The following GALNT18 variants were observed in gnomAD, a reference collection of about 807,000 sequenced individuals.
The protein encoded by GALNT18 is polypeptide N-acetylgalactosaminyltransferase 18.
Under a neutral mutation model 69.5 loss-of-function variants are expected in GALNT18, and 44 were observed. The ratio of observed to expected loss-of-function variants is 0.63; its 90% CI spans 0.50 to 0.81. The LOEUF is 0.81. Among genes scored for constraint, GALNT18 ranks in the 40% least tolerant of loss-of-function variants. GALNT18 has a pLI of 0.00. For missense variants in GALNT18, 715 were observed against 810.0 expected, an observed-to-expected ratio of 0.88 and a Z score of 1.42; for synonymous variants, 364 against 318.2, an observed-to-expected ratio of 1.14 and a Z score of -1.53.
At chr11:11,352,643 G>C (rs766796183) in intron 6 of GALNT18, 9 of 1,613,992 alleles carry the variant, frequency 5.6e-6, no homozygotes, top group Non-Finnish European at 6.8e-6. Flanking sequence ...TGACATTATG[G>C]GGCTTGACAT....
At chr11:11,367,277 G>A (rs1850794321) in intron 6 of GALNT18, among the ~76,000 whole-genome samples, 1 of 152,186 alleles carries the variant, frequency 6.6e-6, no homozygotes, top group South Asian at 2.1e-4. Context: ...GGTCATCCTG[G>A]AGGATGAGAT....
rs914953759 is a variant in GALNT18 at position 11,605,044 on chromosome 11, T to C, written c.235+16315A>G. Among the ~76,000 whole-genome samples, 2 of 152,190 alleles carry C rather than the reference T, an allele frequency of 1.3e-5. No individual in the cohort carries two copies. The highest frequency in any genetic ancestry group is 2.4e-5 in the African/African-American group (1 of 41,440). Reference sequence around the variant, plus strand: ...TTCCACGCTACTGCCTAAATGACTCTTCTCAAATTGAAAATATCAGAGAAT... The same window carrying C: ...TTCCACGCTACTGCCTAAATGACTCCTCTCAAATTGAAAATATCAGAGAAT... On this transcript the variant is annotated intron_variant, in intron 1 of 10. Coordinates refer to ENST00000227756, the MANE Select transcript of GALNT18 (RefSeq NM_198516.3). The surrounding 1 kb of genome is among the most constrained non-coding windows in gnomAD (Gnocchi z 4.7).
chr11:11,361,818 C>G (rs10741549), intron 6 of GALNT18, among the ~76,000 whole-genome samples: 106,324 of 152,022 alleles, frequency 0.7, 37,508 homozygotes, highest in Middle Eastern at 0.76. Flanking sequence ...AAGTCCAGCA[C>G]GAAAGAAGAG....
intron 1 of GALNT18, among the ~76,000 whole-genome samples, chr11:11,527,856 C>A (rs1186024643): frequency 6.6e-6 from 1 of 152,170 alleles, no homozygotes; most frequent in Non-Finnish European, 1.5e-5. Context: ...AACTCAGGCA[C>A]CCTAGCAGGA....
chr11:11,378,109 TTAAA>T (rs1853817938), intron 4 of GALNT18, among the ~76,000 whole-genome samples: 1 of 152,188 alleles, frequency 6.6e-6, no homozygotes, highest in Non-Finnish European at 1.5e-5. Context: ...AAAATGCTGT[TTAAA>T]TAGTCACAAG....
Position 11,539,404 on chromosome 11 carries a change from A to C in GALNT18, c.235+81955T>G, listed in dbSNP as rs78818935. On this transcript the variant is annotated intron_variant, in intron 1 of 10. Transcript: ENST00000227756. ...AGCCAAGCCCAGAGGCCTCTCCTGA[A>C]GAGTGAGCAGGTCGCTTTCCTTTGG... 7.6e-3 allele frequency among the ~76,000 whole-genome samples: 1,153 copies of C among 152,304 alleles called. 17 individuals carry two copies. Among genetic ancestry groups the C allele is most frequent in the African/African-American group, 0.026 (1,099 of 41,560 alleles).
rs1859675831 is a variant in GALNT18 at position 11,603,294 on chromosome 11, C to T, written c.235+18065G>A. Among the ~76,000 whole-genome samples, 1 of 152,214 alleles carries T rather than the reference C, an allele frequency of 6.6e-6. No homozygotes were observed. The highest frequency in any genetic ancestry group is 2.1e-4 in the South Asian group (1 of 4,820). On this transcript the variant is annotated intron_variant, in intron 1 of 10. Transcript: ENST00000227756. This position sits in a 1 kb window ranked among gnomAD's most constrained non-coding sequence, Gnocchi z 4.5. ...AGATTGTTTTGCTCCAACACTGGCT[C>T]AGTTACCACCTCAGCGTTCAGAATC...
rs1859633057 is a variant in GALNT18, at chr11:11,601,457, C to T, written c.235+19902G>A. Among the ~76,000 whole-genome samples, 1 of 152,196 alleles carries T rather than the reference C, an allele frequency of 6.6e-6. No homozygotes were observed. Among genetic ancestry groups the T allele is most frequent in the African/African-American group, 2.4e-5 (1 of 41,448 alleles). ...GTGATTTTAGCAGAGCTCCTTTTAA[C>T]TGTCTCTATTGCTTATCTCCCTGTT... is the stretch of plus-strand genomic sequence containing the variant. On this transcript the variant is annotated intron_variant, in intron 1 of 10. Transcript: ENST00000227756. The surrounding 1 kb of genome is among the most constrained non-coding windows in gnomAD (Gnocchi z 4.0).
At chr11:11,306,827 T>C (rs756677569) in intron 9 of GALNT18, among the ~76,000 whole-genome samples, 6 of 91,164 alleles carry the variant, frequency 6.6e-5, no homozygotes, top group Non-Finnish European at 1.1e-4. Context: ...TTCACTTCAT[T>C]TCTCCCTTTA....
intron 6 of GALNT18, among the ~76,000 whole-genome samples, chr11:11,366,765 T>G (rs745405401): frequency 1.3e-5 from 2 of 152,198 alleles, no homozygotes; most frequent in Non-Finnish European, 2.9e-5. Context: ...TGAAGTATAC[T>G]CCTTCTATTG....
At chr11:11,569,331 G>C (rs1454229791) in intron 1 of GALNT18, among the ~76,000 whole-genome samples, 1 of 151,104 alleles carries the variant, frequency 6.6e-6, no homozygotes, top group East Asian at 2.0e-4. Context: ...TTTATCTTCT[G>C]CCTTGAGTAT....
At chr11:11,416,172 C>A (rs1167044092) in intron 3 of GALNT18, among the ~76,000 whole-genome samples, 2 of 152,228 alleles carry the variant, frequency 1.3e-5, no homozygotes, top group Non-Finnish European at 2.9e-5. Flanking sequence ...AGACACATTC[C>A]TTTCTTCAAT....
At chr11:11,306,666 G>A (rs978079091) in intron 9 of GALNT18, among the ~76,000 whole-genome samples, 5 of 152,140 alleles carry the variant, frequency 3.3e-5, no homozygotes, top group African/African-American at 1.2e-4. Context: ...TACCACAGAT[G>A]AGCACTCAAT....
intron 10 of GALNT18, among the ~76,000 whole-genome samples, chr11:11,272,990 G>T (rs528226038): frequency 6.7e-6 from 1 of 149,118 alleles, no homozygotes; most frequent in Admixed American, 7.2e-5. Context: ...AAATGCAAAA[G>T]AATGAAACTA....
chr11:11,400,238 C>T (rs1030218680), intron 3 of GALNT18, among the ~76,000 whole-genome samples: 6 of 152,216 alleles, frequency 3.9e-5, no homozygotes, highest in Non-Finnish European at 7.3e-5. Context: ...TTACTACAAC[C>T]TCATGATCCA....
At chr11:11,311,899 G>A (rs1421964686) in intron 9 of GALNT18, among the ~76,000 whole-genome samples, 1 of 152,188 alleles carries the variant, frequency 6.6e-6, no homozygotes, top group Non-Finnish European at 1.5e-5. Context: ...ATTTACTGCT[G>A]ATCCTGAACA....
At chr11:11,516,110 A>G (rs1314811783) in intron 1 of GALNT18, among the ~76,000 whole-genome samples, 1 of 152,172 alleles carries the variant, frequency 6.6e-6, no homozygotes, top group Non-Finnish European at 1.5e-5. Flanking sequence ...GCCGCCTTCT[A>G]GCCCCTGATC....
At chr11:11,393,362 C>A (rs544602830) in intron 3 of GALNT18, among the ~76,000 whole-genome samples, 15 of 152,334 alleles carry the variant, frequency 9.8e-5, no homozygotes, top group Non-Finnish European at 2.9e-5. Context: ...GGTTAGGCTG[C>A]TGCTAGATCC....
intron 1 of GALNT18, among the ~76,000 whole-genome samples, chr11:11,588,843 T>C (rs55947125): frequency 0.24 from 35,867 of 152,158 alleles, 5,094 homozygotes; most frequent in Non-Finnish European, 0.32. Context: ...CATCTGGAAC[T>C]GAGGAAATTC....
Sources: gnomAD v4.1 joint callset for allele counts (sites outside exome capture counted in the v4.1 genomes callset) on GRCh38, gnomAD v4.1.1 for gene constraint, Gnocchi (gnomAD v3.1) non-coding constraint, MANE v1.5 for transcripts, NCBI Gene and HGNC (gene_info 2026-07-23, HGNC 2026-07-21) for gene names.